RELN: variants seen among roughly 807,000 people sequenced by gnomAD.
The protein encoded by RELN is reelin.
Under a neutral mutation model 427.6 loss-of-function variants are expected in RELN, and 108 were observed. The observed-to-expected ratio is 0.25, with a 90% CI of 0.22 to 0.30. The LOEUF (loss-of-function observed/expected upper bound fraction) is 0.30. Among genes scored for constraint, RELN ranks in the 10% least tolerant of loss-of-function variants. The pLI, the probability that RELN is intolerant of heterozygous loss-of-function variation, is 1.00. For missense variants in RELN, 3,715 were observed against 4,302.8 expected (o/e 0.86, Z 3.82); for synonymous variants, 1,524 against 1,513.4 (o/e 1.01, Z -0.16).
intron 45 of RELN, among the ~76,000 whole-genome samples, chr7:103,537,884 C>T (rs1830089902): frequency 6.6e-6 from 1 of 152,218 alleles, no homozygotes; most frequent in East Asian, 1.9e-4. Flanking sequence ...TAAGACTTAG[C>T]TCCTTTGTGA....
chr7:103,976,955 G>C (rs983625858), intron 1 of RELN, among the ~76,000 whole-genome samples: 1 of 152,140 alleles, frequency 6.6e-6, no homozygotes, highest in African/African-American at 2.4e-5. Flanking sequence ...AGGAGGCTGA[G>C]GTTGGGAGGA....
intron 20 of RELN, among the ~76,000 whole-genome samples, chr7:103,624,893 T>C (rs1357971828): frequency 6.6e-6 from 1 of 152,158 alleles, no homozygotes; most frequent in Non-Finnish European, 1.5e-5. Context: ...TTAAAAAAAA[T>C]AAAATTAGAC....
At chr7:103,905,123 G>A (rs1175429979) in intron 2 of RELN, among the ~76,000 whole-genome samples, 2 of 151,802 alleles carry the variant, frequency 1.3e-5, no homozygotes, top group Non-Finnish European at 2.9e-5. Context: ...TGGGACTACA[G>A]ACATGTGCCA....
chr7:103,963,212 T>C (rs1465751058), intron 1 of RELN, among the ~76,000 whole-genome samples: 1 of 151,732 alleles, frequency 6.6e-6, no homozygotes, highest in Non-Finnish European at 1.5e-5. Flanking sequence ...CCTTTCTTCC[T>C]ATACAAGCCT....
intron 2 of RELN, among the ~76,000 whole-genome samples, chr7:103,851,765 A>G (rs988602176): frequency 1.3e-5 from 2 of 152,202 alleles, no homozygotes; most frequent in African/African-American, 4.8e-5. Context: ...GAAGGCATTA[A>G]TTGCTCACCA....
At position 103,668,779 on chromosome 7, in the gene RELN, A is replaced by G. The variant is rs71558646; in HGVS notation, c.1290-7252T>C. 4.7e-3 allele frequency among the ~76,000 whole-genome samples: 721 copies of G among 152,304 alleles called. 3 individuals are homozygous for G. The highest frequency in any genetic ancestry group is 8.2e-3 in the Non-Finnish European group (557 of 68,014). Reference sequence around the variant, plus strand: ...ATACATGAAAATTTCACACTGGTTCATTGGTCTTTTGCTTGCTCCATTTAT... The same window carrying G: ...ATACATGAAAATTTCACACTGGTTCGTTGGTCTTTTGCTTGCTCCATTTAT... On this transcript the variant is annotated intron_variant, in intron 11 of 64. Coordinates refer to ENST00000428762, the MANE Select transcript of RELN (RefSeq NM_005045.4).
chr7:103,540,883 T>A (rs1203690039), intron 43 of RELN, among the ~76,000 whole-genome samples: 1 of 152,248 alleles, frequency 6.6e-6, no homozygotes, highest in African/African-American at 2.4e-5. Flanking sequence ...ATGTAGTGTA[T>A]GCCATATAAC....
rs1832199171 is a variant in RELN at position 103,620,715 on chromosome 7, C to A, written c.2703-8912G>T. ...TCTTGAACTCCTGACCTCAAGTGATCTGCCCGCCTCAGCCTCCCAAAGTGC... is the reference window on the plus strand; with the variant it reads ...TCTTGAACTCCTGACCTCAAGTGATATGCCCGCCTCAGCCTCCCAAAGTGC... On this transcript the variant is annotated intron_variant, in intron 20 of 64. Coordinates refer to ENST00000428762, the MANE Select transcript of RELN (RefSeq NM_005045.4). The surrounding 1 kb of genome is among the most constrained non-coding windows in gnomAD (Gnocchi z 4.1). Among the ~76,000 whole-genome samples, 1 of 152,100 alleles carries A rather than the reference C, an allele frequency of 6.6e-6. No individual in the cohort carries two copies. The highest frequency in any genetic ancestry group is 1.5e-5 in the Non-Finnish European group (1 of 68,016).
chr7:103,819,665 T>C (rs1275272222), intron 3 of RELN, among the ~76,000 whole-genome samples: 1 of 152,016 alleles, frequency 6.6e-6, no homozygotes, highest in Non-Finnish European at 1.5e-5. Context: ...GCAGAACAAA[T>C]CTGAGATCCA....
At chr7:103,499,627 A>G (rs1234467999) in intron 53 of RELN, among the ~76,000 whole-genome samples, 1 of 152,228 alleles carries the variant, frequency 6.6e-6, no homozygotes, top group Non-Finnish European at 1.5e-5. Flanking sequence ...CTATAGTTAA[A>G]GACATACAGT....
rs538925192 is a variant in RELN, at chr7:103,493,811, G to T, written c.9370-1785C>A. On this transcript the variant is annotated intron_variant, in intron 57 of 64. Coordinates refer to ENST00000428762, the MANE Select transcript of RELN (RefSeq NM_005045.4). ...ATAGTGTAGAGAGGAAAGAGAAGGT[G>T]GGGAATGTGCAAAAACTGTTGATAT... Among the ~76,000 whole-genome samples, 135 of 152,230 alleles carry T rather than the reference G, an allele frequency of 8.9e-4. 1 individual carries two copies. The highest frequency in any genetic ancestry group is 1.5e-3 in the Non-Finnish European group (100 of 67,996).
At chr7:103,799,939 T>C (rs1207066930) in intron 3 of RELN, among the ~76,000 whole-genome samples, 3 of 152,156 alleles carry the variant, frequency 2.0e-5, no homozygotes, top group African/African-American at 4.8e-5. Flanking sequence ...TCTCAATAGA[T>C]GCAGAAAAGG....
chr7:103,475,216 C>CCT (rs1554359002), intron 64 of RELN, among the ~76,000 whole-genome samples: 17 of 133,760 alleles, frequency 1.3e-4, no homozygotes, highest in African/African-American at 6.1e-4. Context: ...TATAAGTGAA[C>CCT]TTTTTTTTTT....
chr7:103,811,852 T>C (rs1792751067), intron 3 of RELN, among the ~76,000 whole-genome samples: 1 of 152,196 alleles, frequency 6.6e-6, no homozygotes, highest in Non-Finnish European at 1.5e-5. Flanking sequence ...AGTAAATACA[T>C]GTCAGGTATT....
At position 103,603,377 on chromosome 7, in the gene RELN, A is replaced by G. The variant is rs769746244; in HGVS notation, c.3260T>C (p.Ile1087Thr). ...NGWESDWQEVIGGEIVKPEQG... is the reference protein window; with the variant it reads ...NGWESDWQEVTGGEIVKPEQG... ...TTCTGGTTTTACAATTTCTCCCCCAATAACTTCTTGCCAGTCAGACTCCCA... is the reference window on the plus strand; with the variant it reads ...TTCTGGTTTTACAATTTCTCCCCCAGTAACTTCTTGCCAGTCAGACTCCCA... Residue 1087 changes from isoleucine (I) to threonine (T), a missense_variant, in exon 24 of 65, where the codon ATT becomes ACT. Physicochemically the swap from Ile to Thr is moderately conservative, Grantham distance 89. Around this residue, in one of 4 missense-constraint regions of RELN, gnomAD observed 2,208 missense variants for 2,361.7 expected, o/e 0.93. Transcript: ENST00000428762. The surrounding 1 kb of genome is among the most constrained non-coding windows in gnomAD (Gnocchi z 4.3). 51 of 1,613,752 alleles carry G rather than the reference A, an allele frequency of 3.2e-5. No homozygotes were observed. The highest frequency in any genetic ancestry group is 8.3e-5 in the Admixed American group (5 of 59,978).
intron 46 of RELN, among the ~76,000 whole-genome samples, chr7:103,531,123 C>G (rs1464572321): frequency 6.6e-6 from 1 of 152,156 alleles, no homozygotes; most frequent in Non-Finnish European, 1.5e-5. Context: ...AAATAATTTT[C>G]ATTTTTAGTA....
chr7:103,540,080 C>T (rs1026475163), intron 44 of RELN, 117 bp downstream of exon 44: 2 of 1,184,022 alleles, frequency 1.7e-6, no homozygotes, highest in African/African-American at 3.0e-5. Context: ...GGGCAAGTCA[C>T]TCAACTGTCA....
chr7:103,716,140 C>A (rs1233001150), intron 8 of RELN, among the ~76,000 whole-genome samples: 1 of 152,164 alleles, frequency 6.6e-6, no homozygotes, highest in East Asian at 1.9e-4. Context: ...TTCACAGTGA[C>A]GCCTGACCCT....
intron 61 of RELN, among the ~76,000 whole-genome samples, chr7:103,485,641 C>T (rs2116984473): frequency 6.6e-6 from 1 of 152,322 alleles, no homozygotes; most frequent in South Asian, 2.1e-4. Flanking sequence ...TTGTCAGTCA[C>T]TTCCCTAGTC....
Sources: gnomAD v4.1 joint callset for allele counts (sites outside exome capture counted in the v4.1 genomes callset) on GRCh38, gnomAD v4.1.1 for gene constraint, gnomAD v4.1.1 regional missense constraint, Gnocchi (gnomAD v3.1) non-coding constraint, MANE v1.5 for transcripts, NCBI Gene and HGNC (gene_info 2026-07-23, HGNC 2026-07-21) for gene names.